The following FNDC3A variants were observed in gnomAD, a reference collection of about 807,000 sequenced individuals.
FNDC3A encodes fibronectin type-III domain-containing protein 3A.
Under a neutral mutation model 148.9 loss-of-function variants are expected in FNDC3A, and 32 were observed. The ratio of observed to expected loss-of-function variants is 0.21; its 90% CI spans 0.16 to 0.29. The LOEUF (loss-of-function observed/expected upper bound fraction) is 0.29. Among genes scored for constraint, FNDC3A ranks in the 10% least tolerant of loss-of-function variants. The probability of loss-of-function intolerance (pLI) is 1.00; values close to 1 mark genes in which losing one functional copy is unlikely to be tolerated. For missense variants in FNDC3A, 1,191 were observed against 1,452.8 expected (o/e 0.82, Z 2.93); for synonymous variants, 472 against 473.6 (o/e 1.00, Z 0.04).
At chr13:49,045,706 G>T in intron 2 of FNDC3A, 1 of 1,150,026 alleles carries the variant, frequency 8.7e-7, no homozygotes, top group South Asian at 1.5e-5. Flanking sequence ...CCAATAGCTT[G>T]GACCTCTTGA....
chr13:48,986,141 A>G (rs1023796751), intron 1 of FNDC3A, among the ~76,000 whole-genome samples: 2 of 152,170 alleles, frequency 1.3e-5, no homozygotes, highest in African/African-American at 2.4e-5. Flanking sequence ...AACCTCTATA[A>G]CTACAACTGC....
At chr13:48,992,605 A>G (rs1951942188) in intron 1 of FNDC3A, among the ~76,000 whole-genome samples, 1 of 152,170 alleles carries the variant, frequency 6.6e-6, no homozygotes, top group Admixed American at 6.5e-5. Flanking sequence ...TTGAGAGATG[A>G]CGGGTAAGTT....
chr13:49,169,828 A>G (rs1223487581), intron 10 of FNDC3A, among the ~76,000 whole-genome samples: 1 of 152,198 alleles, frequency 6.6e-6, no homozygotes, highest in Non-Finnish European at 1.5e-5. Context: ...CTGTTAACAC[A>G]TGTAAGTCAA....
intron 7 of FNDC3A, 52 bp from the exon 8 acceptor site, chr13:49,145,726 T>C: frequency 7.1e-7 from 1 of 1,412,410 alleles, no homozygotes; most frequent in Non-Finnish European, 1.0e-6. Context: ...TCACTGCTCA[T>C]TGTATACATT....
chr13:49,021,107 T>C (rs1047299833), intron 2 of FNDC3A, among the ~76,000 whole-genome samples: 8 of 152,282 alleles, frequency 5.3e-5, no homozygotes, highest in African/African-American at 1.9e-4. Context: ...CCCTAGTGAG[T>C]AGGCCTATGT....
intron 2 of FNDC3A, among the ~76,000 whole-genome samples, chr13:49,011,941 T>TAGGTTCA (rs1952354106): frequency 6.6e-6 from 1 of 152,198 alleles, no homozygotes; most frequent in South Asian, 2.1e-4. Flanking sequence ...GTGAACTGTA[T>TAGGTTCA]CAAGCATAGG....
rs180972851 is a variant in FNDC3A, at chr13:49,030,827, C to T, written c.99+24538C>T. 9.6e-4 allele frequency among the ~76,000 whole-genome samples: 146 copies of T among 152,054 alleles called. 1 individual carries two copies. Among genetic ancestry groups the T allele is most frequent in the African/African-American group, 3.4e-3 (140 of 41,484 alleles). ...AATATAAGATGTATACACTGAAAAC[C>T]ATAAAACTCACTGAAAGAAATTAAG... On this transcript the variant is annotated intron_variant, in intron 2 of 25. Coordinates refer to ENST00000492622, the MANE Select transcript of FNDC3A (RefSeq NM_001079673.2).
chr13:49,006,434 AAAT>A (rs1258350027), intron 2 of FNDC3A, 145 bp downstream of exon 2: 4 of 511,560 alleles, frequency 7.8e-6, no homozygotes, highest in African/African-American at 2.0e-5. Context: ...AAGATGATAA[AAAT>A]AATGAGACTG....
At chr13:48,988,095 G>A (rs1250992301) in intron 1 of FNDC3A, 3 of 152,172 alleles carry the variant, frequency 2.0e-5, no homozygotes, top group Admixed American at 2.0e-4. Flanking sequence ...GCAACAAGAA[G>A]AGCTAACTCT....
chr13:49,001,576 C>T (rs1409240532), intron 1 of FNDC3A, among the ~76,000 whole-genome samples: 1 of 152,162 alleles, frequency 6.6e-6, no homozygotes, highest in South Asian at 2.1e-4. Flanking sequence ...CAGCAAGGAA[C>T]ATCCCTGAGA....
intron 8 of FNDC3A, among the ~76,000 whole-genome samples, chr13:49,162,560 C>G (rs1430313484): frequency 6.6e-6 from 1 of 152,124 alleles, no homozygotes; most frequent in East Asian, 1.9e-4. Flanking sequence ...AAACATCTTC[C>G]TTTAGCTTGG....
chr13:49,112,481 A>C (rs1880638640), intron 3 of FNDC3A, among the ~76,000 whole-genome samples: 1 of 152,198 alleles, frequency 6.6e-6, no homozygotes, highest in Admixed American at 6.5e-5. Context: ...ATTAATAGGT[A>C]ATGTTTGCTT....
intron 19 of FNDC3A, among the ~76,000 whole-genome samples, chr13:49,195,841 A>G (rs762812535): frequency 6.6e-6 from 1 of 152,032 alleles, no homozygotes; most frequent in Non-Finnish European, 1.5e-5. Flanking sequence ...CCTCCCTCTG[A>G]GACAGGAGGA....
chr13:49,171,945 C>A, intron 10 of FNDC3A, 98 bp from the exon 11 acceptor site: 1 of 804,926 alleles, frequency 1.2e-6, no homozygotes, highest in Non-Finnish European at 2.0e-6. Flanking sequence ...TCACAGAAAA[C>A]ATCTGCCACA....
At chr13:49,125,575 C>T (rs1881642341) in intron 4 of FNDC3A, among the ~76,000 whole-genome samples, 2 of 152,160 alleles carry the variant, frequency 1.3e-5, no homozygotes, top group Middle Eastern at 3.4e-3. Flanking sequence ...AGTCACAGAA[C>T]CCTAATAGCT....
chr13:49,142,062 G>A (rs918247921), intron 7 of FNDC3A, among the ~76,000 whole-genome samples: 2 of 152,174 alleles, frequency 1.3e-5, no homozygotes, highest in African/African-American at 2.4e-5. Context: ...AGAATCAAGT[G>A]ATATGGATAT....
intron 7 of FNDC3A, among the ~76,000 whole-genome samples, chr13:49,145,551 C>T (rs1296269389): frequency 2.6e-5 from 4 of 152,008 alleles, no homozygotes; most frequent in Non-Finnish European, 5.9e-5. Flanking sequence ...ATGGTGTCTA[C>T]GCTAATAGTT....
intron 3 of FNDC3A, among the ~76,000 whole-genome samples, chr13:49,097,145 A>G (rs1196844042): frequency 6.6e-6 from 1 of 152,080 alleles, no homozygotes; most frequent in African/African-American, 2.4e-5. Flanking sequence ...AAGGATTTTA[A>G]GCAGGGGATA....
intron 8 of FNDC3A, among the ~76,000 whole-genome samples, chr13:49,155,261 C>T (rs1442736996): frequency 3.3e-5 from 5 of 152,058 alleles, no homozygotes; most frequent in African/African-American, 7.2e-5. Flanking sequence ...TTGTATGTGT[C>T]GAGGAATTTA....
Sources: gnomAD v4.1 joint callset for allele counts (sites outside exome capture counted in the v4.1 genomes callset) on GRCh38, gnomAD v4.1.1 for gene constraint, MANE v1.5 for transcripts, NCBI Gene and HGNC (gene_info 2026-07-23, HGNC 2026-07-21) for gene names.